Variants in SEMA3D observed in about 807,000 individuals in gnomAD.
SEMA3D encodes the protein semaphorin 3D.
SEMA3D carries 84 observed loss-of-function variants against 100.1 expected under a neutral mutation model. The observed-to-expected ratio is 0.84, with a 90% CI of 0.70 to 1.01. The LOEUF (loss-of-function observed/expected upper bound fraction) is 1.01, where lower values mean the gene tolerates loss of function less well. Ranked by LOEUF, SEMA3D falls within the 50% of genes least tolerant of loss-of-function variation. The pLI, the probability that SEMA3D is intolerant of heterozygous loss-of-function variation, is 0.00. For missense variants in SEMA3D, 875 were observed against 934.1 expected (o/e 0.94, Z 0.82); for synonymous variants, 312 against 320.7 (o/e 0.97, Z 0.29).
intron 7 of SEMA3D, 99 bp downstream of exon 7, chr7:85,068,092 T>TA: frequency 1.4e-6 from 1 of 719,716 alleles, no homozygotes; most frequent in Non-Finnish European, 2.4e-6. Context: ...GGAAGATTAG[T>TA]AAAAAATTAC....
At chr7:85,092,910 A>C (rs1788439692) in intron 4 of SEMA3D, among the ~76,000 whole-genome samples, 1 of 152,064 alleles carries the variant, frequency 6.6e-6, no homozygotes, top group South Asian at 2.1e-4. Flanking sequence ...ATTTATGAGG[A>C]TTAGCAGATT....
chr7:85,016,787 CTT>C (rs35691304), intron 15 of SEMA3D, among the ~76,000 whole-genome samples: 16 of 132,296 alleles, frequency 1.2e-4, no homozygotes, highest in Non-Finnish European at 1.3e-4. Context: ...TTTTCAATGG[CTT>C]TTTTTTTTTT....
rs1788104401 is a variant in SEMA3D at position 85,082,832 on chromosome 7, C to T, written c.313-1253G>A. ...ATTGTTTACTTAGAGAAGATCTTAACATTCACAAATTACAATCCAGATATG... is the reference window on the plus strand; with the variant it reads ...ATTGTTTACTTAGAGAAGATCTTAATATTCACAAATTACAATCCAGATATG... On this transcript the variant is annotated intron_variant, in intron 4 of 18. Transcript: ENST00000284136. Among the ~76,000 whole-genome samples, 3 of 152,276 alleles carry T rather than the reference C, an allele frequency of 2.0e-5. No individual in the cohort carries two copies. The South Asian group carries it at 6.2e-4, about 32-fold the overall frequency.
At chr7:85,132,979 A>C (rs1789768153) in intron 2 of SEMA3D, among the ~76,000 whole-genome samples, 1 of 151,974 alleles carries the variant, frequency 6.6e-6, no homozygotes, top group African/African-American at 2.4e-5. Context: ...GCAGTTCCCC[A>C]GTGCATACGC....
chr7:85,225,093 TATATATATATATAC>T, the SEMA3D span, among the ~76,000 whole-genome samples: 116 of 15,422 alleles, frequency 7.5e-3, 5 homozygotes, highest in African/African-American at 0.041. Flanking sequence ...TATATATATA[TATATATATATATAC>T]ATACATATAT....
intron 4 of SEMA3D, among the ~76,000 whole-genome samples, chr7:85,090,053 T>A (rs1202055472): frequency 6.6e-6 from 1 of 152,196 alleles, no homozygotes; most frequent in Admixed American, 6.5e-5. Flanking sequence ...TTCAAACTTT[T>A]GTAGTGAATA....
At chr7:85,237,197 T>C in the SEMA3D span, among the ~76,000 whole-genome samples, 5 of 152,226 alleles carry the variant, frequency 3.3e-5, no homozygotes, top group Non-Finnish European at 7.3e-5. Flanking sequence ...AATTCCCATA[T>C]ACCTCTGTTT....
chr7:85,069,505 T>A (rs1791714909), intron 6 of SEMA3D, among the ~76,000 whole-genome samples: 1 of 152,124 alleles, frequency 6.6e-6, no homozygotes, highest in East Asian at 1.9e-4. Context: ...AAGAAAATAA[T>A]ATAAAAAATA....
At chr7:85,175,636 A>G (rs1423022025) in intron 1 of SEMA3D, among the ~76,000 whole-genome samples, 1 of 152,182 alleles carries the variant, frequency 6.6e-6, no homozygotes, top group Non-Finnish European at 1.5e-5. Flanking sequence ...ATCTACTACT[A>G]TAATTTCTTA....
chr7:85,013,543 T>C (rs544919474), intron 16 of SEMA3D, among the ~76,000 whole-genome samples: 1 of 151,698 alleles, frequency 6.6e-6, no homozygotes, highest in Non-Finnish European at 1.5e-5. Context: ...TCTAAGCAGG[T>C]CTTACACTCT....
At chr7:85,248,005 G>A in the SEMA3D span, among the ~76,000 whole-genome samples, 1 of 151,844 alleles carries the variant, frequency 6.6e-6, no homozygotes, top group African/African-American at 2.4e-5. Flanking sequence ...CATGCAAAAG[G>A]CATAATTCAT....
At chr7:85,203,002 GAC>G in the SEMA3D span, among the ~76,000 whole-genome samples, 3 of 152,214 alleles carry the variant, frequency 2.0e-5, no homozygotes, top group African/African-American at 7.2e-5. Flanking sequence ...TAACAGGAAA[GAC>G]AGTTCATCTG....
At chr7:85,049,511 A>C (rs1791101738) in intron 9 of SEMA3D, among the ~76,000 whole-genome samples, 1 of 146,188 alleles carries the variant, frequency 6.8e-6, no homozygotes, top group South Asian at 2.1e-4. Flanking sequence ...CATTCAATTA[A>C]AAAAAAAAAG....
intron 1 of SEMA3D, among the ~76,000 whole-genome samples, chr7:85,179,951 G>A (rs1034682705): frequency 2.6e-5 from 4 of 152,166 alleles, no homozygotes; most frequent in Admixed American, 1.3e-4. Context: ...ATGAGCCATC[G>A]CACCCAGCCG....
intron 8 of SEMA3D, among the ~76,000 whole-genome samples, chr7:85,059,428 TG>T (rs1791413512): frequency 6.6e-6 from 1 of 152,186 alleles, no homozygotes; most frequent in Non-Finnish European, 1.5e-5. Context: ...CACAAATATG[TG>T]GGATTACATC....
chr7:85,140,847 C>T, intron 2 of SEMA3D: 4 of 849,258 alleles, frequency 4.7e-6, no homozygotes, highest in Non-Finnish European at 5.7e-6. Flanking sequence ...CACATTCTAC[C>T]ATTAAAAAAA....
At chr7:85,144,362 TAATTA>T (rs1790140044) in intron 2 of SEMA3D, 1 of 524,654 alleles carries the variant, frequency 1.9e-6, no homozygotes, top group Non-Finnish European at 2.4e-6. Context: ...AAATTTAAAT[TAATTA>T]AATTAAATAA....
the SEMA3D span, among the ~76,000 whole-genome samples, chr7:85,225,140 T>C: frequency 7.5e-6 from 1 of 132,596 alleles, no homozygotes; most frequent in African/African-American, 2.9e-5. Flanking sequence ...TAAATATATA[T>C]ATAAAATACA....
intron 4 of SEMA3D, among the ~76,000 whole-genome samples, chr7:85,097,534 T>C (rs912854864): frequency 4.0e-5 from 6 of 151,868 alleles, no homozygotes; most frequent in African/African-American, 1.4e-4. Context: ...TATGGCCTAG[T>C]GTATATTAAC....
Sources: allele counts gnomAD v4.1 joint callset (sites outside exome capture counted in the v4.1 genomes callset), GRCh38; gene constraint gnomAD v4.1.1; transcripts MANE v1.5; gene names NCBI Gene and HGNC (gene_info 2026-07-23, HGNC 2026-07-21).